The following PARD3 variants were observed in gnomAD, a reference collection of about 807,000 sequenced individuals.
The protein encoded by PARD3 is par-3 family cell polarity regulator.
Under a neutral mutation model 155.4 loss-of-function variants are expected in PARD3, and 75 were observed. That is an observed-to-expected ratio of 0.48 (90% CI 0.40 to 0.58). The LOEUF (loss-of-function observed/expected upper bound fraction) is 0.58, where lower values mean the gene tolerates loss of function less well. Ranked by LOEUF, PARD3 falls within the 20% of genes least tolerant of loss-of-function variation. PARD3 has a pLI of 0.00. For synonymous variants in PARD3, 576 were observed against 610.5 expected (o/e 0.94, Z 0.83); for missense variants, 1,642 against 1,721.7 (o/e 0.95, Z 0.82).
chr10:34,778,929 G>C (rs992692800), intron 1 of PARD3, among the ~76,000 whole-genome samples: 6 of 152,196 alleles, frequency 3.9e-5, no homozygotes, highest in African/African-American at 1.4e-4. Context: ...GTCAGATTCT[G>C]ACTTAGAAAA....
At chr10:34,461,647 A>G (rs1263043173) in intron 4 of PARD3, among the ~76,000 whole-genome samples, 2 of 152,178 alleles carry the variant, frequency 1.3e-5, no homozygotes, top group Non-Finnish European at 1.5e-5. Flanking sequence ...AATGAGATCA[A>G]ATGAGATTAA....
chr10:34,238,980 A>C (rs1329029992), intron 22 of PARD3, among the ~76,000 whole-genome samples: 2 of 152,204 alleles, frequency 1.3e-5, no homozygotes, highest in African/African-American at 4.8e-5. Context: ...TCATGCCACC[A>C]GTTTAAGAGC....
chr10:34,580,629 T>A (rs2087356607), intron 2 of PARD3, among the ~76,000 whole-genome samples: 1 of 152,186 alleles, frequency 6.6e-6, no homozygotes, highest in African/African-American at 2.4e-5. Flanking sequence ...TTAACCATAG[T>A]TTTTACTAAT....
chr10:34,330,421 G>A (rs979481670), intron 19 of PARD3, among the ~76,000 whole-genome samples: 2 of 151,684 alleles, frequency 1.3e-5, no homozygotes, highest in African/African-American at 4.8e-5. Flanking sequence ...TAAATATTTT[G>A]CAATTTCAAA....
rs550324223 is a variant in PARD3 at position 34,337,624 on chromosome 10, ATTTAACTTTTAG to A, written c.2409-210_2409-199del. 2.7e-4 allele frequency among the ~76,000 whole-genome samples: 41 copies of A among 152,166 alleles called. No individual in the cohort carries two copies. In the East Asian group the frequency reaches 6.0e-3, roughly 22 times the overall value. On this transcript the variant is annotated intron_variant, in intron 16 of 24. Transcript: ENST00000374788. ...AAAGTGATAGAAAAATACAAAATTAATTTAACTTTTAGAGTAACTCTTTCTCCATGTGAATTT... is the reference window on the plus strand; with the variant it reads ...AAAGTGATAGAAAAATACAAAATTAAAGTAACTCTTTCTCCATGTGAATTT...
intron 2 of PARD3, among the ~76,000 whole-genome samples, chr10:34,650,723 A>G (rs1410123626): frequency 6.6e-6 from 1 of 152,174 alleles, no homozygotes; most frequent in African/African-American, 2.4e-5. Context: ...AAAAAGAAAC[A>G]CAGTCCAGCC....
At chr10:34,760,236 G>C (rs138658926) in intron 1 of PARD3, among the ~76,000 whole-genome samples, 1 of 151,968 alleles carries the variant, frequency 6.6e-6, no homozygotes, top group Non-Finnish European at 1.5e-5. Context: ...TGCCCAGGCC[G>C]GTCTCCAGCT....
chr10:34,119,866 T>A (rs1946890518), intron 23 of PARD3, 126 bp from the exon 24 acceptor site: 2 of 894,472 alleles, frequency 2.2e-6, no homozygotes, highest in Non-Finnish European at 3.1e-6. Context: ...GATTTGTTTT[T>A]CAAAATCGTT....
intron 2 of PARD3, among the ~76,000 whole-genome samples, chr10:34,552,255 G>A (rs1001106552): frequency 2.0e-5 from 3 of 152,270 alleles, no homozygotes; most frequent in African/African-American, 7.2e-5. Context: ...CTACAGGCAT[G>A]GGCCACCATA....
chr10:34,389,979 C>A (rs1031613121), intron 7 of PARD3, among the ~76,000 whole-genome samples: 2 of 152,158 alleles, frequency 1.3e-5, no homozygotes, highest in Non-Finnish European at 1.5e-5. Context: ...TAAACTGCAA[C>A]TTGTCTCTCT....
chr10:34,725,249 T>C (rs1200456964), intron 1 of PARD3, among the ~76,000 whole-genome samples: 1 of 151,048 alleles, frequency 6.6e-6, no homozygotes, highest in African/African-American at 2.4e-5. Flanking sequence ...AACTCCCAGG[T>C]TCAAGCGATT....
At chr10:34,588,919 T>G (rs921479005) in intron 2 of PARD3, among the ~76,000 whole-genome samples, 1 of 152,194 alleles carries the variant, frequency 6.6e-6, no homozygotes, top group Non-Finnish European at 1.5e-5. Context: ...TACTGCTCTA[T>G]TGAGAATAGT....
chr10:34,272,466 A>C (rs1037949038), intron 21 of PARD3, among the ~76,000 whole-genome samples: 5 of 152,190 alleles, frequency 3.3e-5, no homozygotes, highest in African/African-American at 9.7e-5. Flanking sequence ...TTCTCGGCTC[A>C]TACCTGTAAT....
intron 5 of PARD3, among the ~76,000 whole-genome samples, chr10:34,431,479 C>T (rs989530457): frequency 2.0e-5 from 3 of 152,136 alleles, no homozygotes; most frequent in Admixed American, 6.5e-5. Context: ...AAGGGGCTCA[C>T]GCCTGTAATC....
chr10:34,423,876 T>C (rs940498390), intron 5 of PARD3, among the ~76,000 whole-genome samples: 2 of 152,118 alleles, frequency 1.3e-5, no homozygotes, highest in African/African-American at 4.8e-5. Context: ...TTATTAAAGT[T>C]CAAATATTAA....
intron 2 of PARD3, among the ~76,000 whole-genome samples, chr10:34,541,511 A>C (rs2083610302): frequency 6.6e-6 from 1 of 152,180 alleles, no homozygotes; most frequent in Non-Finnish European, 1.5e-5. Flanking sequence ...CAAAACCCTG[A>C]AGCCCAAGAA....
chr10:34,145,228 T>A (rs1268069356), intron 22 of PARD3, among the ~76,000 whole-genome samples: 213 of 103,100 alleles, frequency 2.1e-3, no homozygotes, highest in Non-Finnish European at 3.6e-3. Flanking sequence ...TATATTTTTT[T>A]TTTTTTTTTT....
intron 22 of PARD3, among the ~76,000 whole-genome samples, chr10:34,266,820 C>T (rs774555756): frequency 3.9e-5 from 6 of 152,134 alleles, no homozygotes; most frequent in African/African-American, 9.7e-5. Flanking sequence ...TGCTGGAGTC[C>T]AGAAACAGAG....
Position 34,346,258 on chromosome 10 carries a change from G to T in PARD3, c.2218+1707C>A, listed in dbSNP as rs866691652. 6 of 1,155,864 alleles carry T rather than the reference G, an allele frequency of 5.2e-6. No homozygotes were observed. The East Asian group carries it at 2.6e-4, about 50-fold the overall frequency. 71.6% of individuals were successfully genotyped at this position (1,155,864 alleles called of 1,614,324 possible). A position where few individuals can be genotyped will look rare whatever the true frequency, so the allele number is the denominator to read the frequency against. ...CAAAATCGGGGCAACAGACTAGGAA[G>T]AAAATGAATGACTCTTCAACTCATA... On this transcript the variant is annotated intron_variant, in intron 15 of 24. Coordinates refer to ENST00000374788, the MANE Select transcript of PARD3 (RefSeq NM_001184785.2).
Sources: gnomAD v4.1 joint callset for allele counts (sites outside exome capture counted in the v4.1 genomes callset) on GRCh38, gnomAD v4.1.1 for gene constraint, MANE v1.5 for transcripts, NCBI Gene and HGNC (gene_info 2026-07-23, HGNC 2026-07-21) for gene names.